PPFIA2: variants seen among roughly 807,000 people sequenced by gnomAD.
PPFIA2 encodes PPFI scaffold protein A2.
In PPFIA2, 46 loss-of-function variants were observed where a neutral mutation model predicts 175.5. The ratio of observed to expected loss-of-function variants is 0.26; its 90% CI spans 0.21 to 0.34. The LOEUF (loss-of-function observed/expected upper bound fraction) is 0.34. PPFIA2 is among the 10% of genes least tolerant of loss of function. The pLI, the probability that PPFIA2 is intolerant of heterozygous loss-of-function variation, is 1.00. For synonymous variants in PPFIA2, 568 were observed against 511.4 expected (o/e 1.11, Z -1.49); for missense variants, 1,179 against 1,506.1 (o/e 0.78, Z 3.60).
intron 24 of PPFIA2, among the ~76,000 whole-genome samples, chr12:81,288,752 C>T (rs1210635371): frequency 2.0e-5 from 3 of 151,570 alleles, no homozygotes; most frequent in Non-Finnish European, 4.4e-5. Context: ...GGCCTGGATC[C>T]ACATTTCTCC....
intron 14 of PPFIA2, among the ~76,000 whole-genome samples, chr12:81,364,527 C>T (rs2032396922): frequency 6.6e-6 from 1 of 151,762 alleles, no homozygotes; most frequent in African/African-American, 2.4e-5. Flanking sequence ...AGGAGGACTA[C>T]AGGTGTGCAC....
At chr12:81,608,268 GTC>G (rs1253789748) in intron 4 of PPFIA2, among the ~76,000 whole-genome samples, 1 of 151,956 alleles carries the variant, frequency 6.6e-6, no homozygotes, top group Non-Finnish European at 1.5e-5. Flanking sequence ...TCTTTGTTGT[GTC>G]TCTGTCAGAT....
At chr12:81,581,672 G>A (rs114117470) in intron 4 of PPFIA2, among the ~76,000 whole-genome samples, 1,875 of 150,940 alleles carry the variant, frequency 0.012, 45 homozygotes, top group African/African-American at 0.043. Flanking sequence ...AATTTATCCA[G>A]TAACTAGAAT....
chr12:81,367,075 A>T (rs1290614365), intron 14 of PPFIA2, 33 bp downstream of exon 14: 2 of 1,453,352 alleles, frequency 1.4e-6, no homozygotes, highest in East Asian at 5.3e-5. Context: ...ATAAAAATAG[A>T]AAATGGGCCC....
At chr12:81,583,010 A>G (rs1282210337) in intron 4 of PPFIA2, among the ~76,000 whole-genome samples, 2 of 152,032 alleles carry the variant, frequency 1.3e-5, no homozygotes, top group Non-Finnish European at 2.9e-5. Context: ...TCAGTTCAAC[A>G]TTACTCATTG....
chr12:81,419,386 G>A (rs2045872875), intron 7 of PPFIA2, among the ~76,000 whole-genome samples: 1 of 152,036 alleles, frequency 6.6e-6, no homozygotes, highest in South Asian at 2.1e-4. Flanking sequence ...CTCACATGTT[G>A]TAGGGAATCC....
intron 7 of PPFIA2, among the ~76,000 whole-genome samples, chr12:81,434,361 T>C (rs2048619630): frequency 6.6e-6 from 1 of 152,068 alleles, no homozygotes; most frequent in South Asian, 2.1e-4. Context: ...TAATTGGGGC[T>C]TCACTTAGCA....
At chr12:81,481,598 T>A (rs955950123) in intron 4 of PPFIA2, among the ~76,000 whole-genome samples, 2 of 152,174 alleles carry the variant, frequency 1.3e-5, no homozygotes, top group East Asian at 1.9e-4. Context: ...CATCTACCAC[T>A]ATCTGATCTT....
intron 4 of PPFIA2, among the ~76,000 whole-genome samples, chr12:81,666,914 T>C (rs2070431244): frequency 6.6e-6 from 1 of 152,154 alleles, no homozygotes; most frequent in Non-Finnish European, 1.5e-5. Flanking sequence ...TATGCTATTT[T>C]GCAAGGATTA....
intron 4 of PPFIA2, among the ~76,000 whole-genome samples, chr12:81,553,706 C>A (rs1410881465): frequency 2.0e-5 from 3 of 151,968 alleles, no homozygotes; most frequent in South Asian, 4.1e-4. Flanking sequence ...AAAGACTTTG[C>A]ATGATGCTAG....
At chr12:81,424,924 A>G (rs1164657611) in intron 7 of PPFIA2, 1 of 152,216 alleles carries the variant, frequency 6.6e-6, no homozygotes, top group Non-Finnish European at 1.5e-5. Flanking sequence ...ATACAAATGT[A>G]TGCTTCTTGG....
chr12:81,584,280 A>G (rs1015251680), intron 4 of PPFIA2, among the ~76,000 whole-genome samples: 15 of 151,952 alleles, frequency 9.9e-5, no homozygotes, highest in African/African-American at 3.4e-4. Context: ...TCAGACAGTG[A>G]TAAATTATAA....
At chr12:81,535,401 G>A (rs1567224720) in intron 4 of PPFIA2, 2 of 455,232 alleles carry the variant, frequency 4.4e-6, no homozygotes, top group African/African-American at 4.0e-5. Flanking sequence ...AACAACACTT[G>A]AAAGACAAGA....
At chr12:81,680,070 G>C (rs1269706517) in intron 3 of PPFIA2, among the ~76,000 whole-genome samples, 4 of 151,836 alleles carry the variant, frequency 2.6e-5, no homozygotes, top group African/African-American at 4.8e-5. Context: ...AACAAAAGGG[G>C]ACATCAAATA....
At chr12:81,352,372 G>A (rs912849611) in intron 17 of PPFIA2, among the ~76,000 whole-genome samples, 9 of 143,992 alleles carry the variant, frequency 6.3e-5, no homozygotes, top group Non-Finnish European at 1.4e-4. Context: ...GCAGTGGGGG[G>A]CAGACAGAGA....
chr12:81,300,252 T>C (rs1156849770), intron 22 of PPFIA2, among the ~76,000 whole-genome samples: 1 of 152,194 alleles, frequency 6.6e-6, no homozygotes, highest in African/African-American at 2.4e-5. Context: ...GCCAGGAATA[T>C]ATTGGAAAAT....
intron 7 of PPFIA2, among the ~76,000 whole-genome samples, chr12:81,416,355 T>G (rs2045260011): frequency 6.6e-6 from 1 of 151,554 alleles, no homozygotes; most frequent in Non-Finnish European, 1.5e-5. Context: ...GTAGAGAGTA[T>G]TCATTAAGGT....
At chr12:81,271,644 T>C (rs1565835678) in intron 28 of PPFIA2, among the ~76,000 whole-genome samples, 1 of 152,218 alleles carries the variant, frequency 6.6e-6, no homozygotes, top group East Asian at 1.9e-4. Context: ...TATGTGTTCT[T>C]ATTAGAGTCT....
At chr12:81,379,595 C>A (rs1006101994) in intron 9 of PPFIA2, among the ~76,000 whole-genome samples, 1 of 152,060 alleles carries the variant, frequency 6.6e-6, no homozygotes, top group South Asian at 2.1e-4. Flanking sequence ...AATTAATAAT[C>A]CTTTTGATTA....
Sources: gnomAD v4.1 joint callset for allele counts (sites outside exome capture counted in the v4.1 genomes callset) on GRCh38, gnomAD v4.1.1 for gene constraint, MANE v1.5 for transcripts, NCBI Gene and HGNC (gene_info 2026-07-23, HGNC 2026-07-21) for gene names.